The following CACNA1A variants were observed in gnomAD, a reference collection of about 807,000 sequenced individuals.
CACNA1A encodes calcium voltage-gated channel subunit alpha1 A.
CACNA1A carries 57 observed loss-of-function variants against 262.4 expected under a neutral mutation model. The ratio of observed to expected loss-of-function variants is 0.22; its 90% CI spans 0.18 to 0.27. The LOEUF is 0.27. Ranked by LOEUF, CACNA1A falls within the 10% of genes least tolerant of loss-of-function variation. The pLI, the probability that CACNA1A is intolerant of heterozygous loss-of-function variation, is 1.00. For missense variants in CACNA1A, 2,526 were observed against 3,562.8 expected, an observed-to-expected ratio of 0.71 and a Z score of 7.41; for synonymous variants, 1,431 against 1,419.3, an observed-to-expected ratio of 1.01 and a Z score of -0.18.
At chr19:13,490,327 A>G (rs1489790789) in intron 1 of CACNA1A, among the ~76,000 whole-genome samples, 1 of 152,182 alleles carries the variant, frequency 6.6e-6, no homozygotes, top group African/African-American at 2.4e-5. Flanking sequence ...GTCCTAGCCC[A>G]GGCGTGGTAG....
intron 3 of CACNA1A, among the ~76,000 whole-genome samples, chr19:13,433,502 A>AC (rs928030940): frequency 1.4e-5 from 2 of 147,620 alleles, no homozygotes; most frequent in Non-Finnish European, 3.0e-5. Context: ...AAGAAGATGG[A>AC]CCCCCAGGGA....
rs2057836972 is a variant in CACNA1A at position 13,303,609 on chromosome 19, G to A, written c.2109C>T (p.Thr703=). The A allele has an allele frequency of 6.2e-7, 1 of 1,611,574 alleles. No individual in the cohort carries two copies. Among genetic ancestry groups the A allele is most frequent in the Non-Finnish European group, 8.5e-7 (1 of 1,178,872 alleles). Residue 703 remains threonine, a synonymous_variant, in exon 17 of 47, where the codon ACC becomes ACT. Coordinates refer to ENST00000360228, the MANE Select transcript of CACNA1A (RefSeq NM_001127222.2). ...FIVLTLFGNY[T]LLNVFLAIAV... Reference sequence around the variant, plus strand: ...CGATGGCCAAGAACACATTCAGGAGGGTGTCTGCAAATGTCTGAGTCAGGA... The same window carrying A: ...CGATGGCCAAGAACACATTCAGGAGAGTGTCTGCAAATGTCTGAGTCAGGA...
intron 3 of CACNA1A, chr19:13,450,573 ATTT>A (rs1284897990): frequency 3.3e-5 from 5 of 151,854 alleles, no homozygotes; most frequent in Non-Finnish European, 7.4e-5. Flanking sequence ...AGGACAGGGG[ATTT>A]TTCTATTTTG....
At chr19:13,334,549 TTGTGTGTGTGTTTGTGTGTGTGTG>T in intron 7 of CACNA1A, 56 bp from the exon 8 acceptor site, 5 of 724,092 alleles carry the variant, frequency 6.9e-6, no homozygotes, top group East Asian at 2.7e-5. Flanking sequence ...TAGGAAACGT[TTGTGTGTGTGTTTGTGTGTGTGTG>T]TGTGTGTGTG....
chr19:13,299,057 C>T lies in CACNA1A; in HGVS notation c.2576G>A (p.Arg859Lys), dbSNP rs2057734480. Reference protein sequence around the residue: ...LGQQRAEDFLRKQARYHDRAR... With the variant: ...LGQQRAEDFLKKQARYHDRAR... ...CCGATCGTGGTAGCGGGCCTGTTTC[C>T]TGAGGAAGTCCTCGGCGCGCTGCTG... Residue 859 changes from arginine to lysine, a missense_variant, in exon 19 of 47, where the codon AGG becomes AAG. Arg to Lys is a conservative substitution (Grantham distance 26, BLOSUM62 2). Transcript: ENST00000360228. The T allele has an allele frequency of 3.7e-6, 6 of 1,605,412 alleles. No individual in the cohort carries two copies. The South Asian group carries it at 4.4e-5, about 12-fold the overall frequency.
intron 1 of CACNA1A, among the ~76,000 whole-genome samples, chr19:13,457,355 G>A (rs922640518): frequency 6.6e-6 from 1 of 152,152 alleles, no homozygotes; most frequent in Non-Finnish European, 1.5e-5. Context: ...GAGTTACCAT[G>A]TGACACACAG....
chr19:13,453,121 C>G, intron 2 of CACNA1A, 106 bp from the exon 3 acceptor site: 3 of 1,140,030 alleles, frequency 2.6e-6, no homozygotes, highest in East Asian at 2.4e-5. Flanking sequence ...TCTCACTTCC[C>G]CTGACCCTCC....
At chr19:13,223,254 C>A (rs576740760) in intron 38 of CACNA1A, among the ~76,000 whole-genome samples, 1 of 151,952 alleles carries the variant, frequency 6.6e-6, no homozygotes. Flanking sequence ...AGTGCAGTGG[C>A]GTGATCTCGG....
intron 19 of CACNA1A, among the ~76,000 whole-genome samples, chr19:13,294,926 C>T (rs1018941222): frequency 1.2e-4 from 19 of 152,192 alleles, no homozygotes; most frequent in African/African-American, 4.6e-4. Flanking sequence ...CCTTCAATTT[C>T]TTTGTCACTT....
chr19:13,407,859 A>T (rs947397346), intron 3 of CACNA1A, among the ~76,000 whole-genome samples: 1 of 151,966 alleles, frequency 6.6e-6, no homozygotes, highest in Non-Finnish European at 1.5e-5. Flanking sequence ...GTAATCCCCA[A>T]TGTTGGGGGA....
At chr19:13,216,120 G>C (rs1412639158) in intron 38 of CACNA1A, among the ~76,000 whole-genome samples, 1 of 151,818 alleles carries the variant, frequency 6.6e-6, no homozygotes, top group Admixed American at 6.6e-5. Context: ...AGTCTCCACT[G>C]CCACGGACAT....
intron 5 of CACNA1A, among the ~76,000 whole-genome samples, chr19:13,360,528 A>G (rs1599280190): frequency 2.2e-5 from 3 of 133,992 alleles, no homozygotes; most frequent in East Asian, 2.1e-4. Context: ...CCCAGGCTGG[A>G]GTGCAATGGC....
intron 4 of CACNA1A, chr19:13,371,462 C>G (rs889722615): frequency 3.7e-6 from 2 of 541,484 alleles, no homozygotes; most frequent in African/African-American, 1.9e-5. Flanking sequence ...TCCCGATAGA[C>G]AGTAGGTGCT....
chr19:13,395,437 C>T (rs1016699880), intron 3 of CACNA1A, among the ~76,000 whole-genome samples: 1 of 149,116 alleles, frequency 6.7e-6, no homozygotes, highest in African/African-American at 2.5e-5. Flanking sequence ...ATGGTGAAAC[C>T]CTGTCTCTAC....
chr19:13,222,394 C>CTTTT (rs71168689), intron 38 of CACNA1A, among the ~76,000 whole-genome samples: 9 of 91,172 alleles, frequency 9.9e-5, no homozygotes, highest in Admixed American at 3.8e-4. Flanking sequence ...GCCTTCTCGG[C>CTTTT]TTTTTTTTTT....
intron 3 of CACNA1A, among the ~76,000 whole-genome samples, chr19:13,437,532 A>G (rs1012006513): frequency 6.6e-6 from 1 of 151,900 alleles, no homozygotes; most frequent in African/African-American, 2.4e-5. Flanking sequence ...CTCTACTAAA[A>G]ATACAAAAAT....
At chr19:13,469,615 A>T (rs1338845933) in intron 1 of CACNA1A, among the ~76,000 whole-genome samples, 45 of 133,802 alleles carry the variant, frequency 3.4e-4, no homozygotes, top group South Asian at 7.3e-4. Flanking sequence ...CGCCTGGCTA[A>T]TTTTTTTTTT....
At chr19:13,476,559 AG>A (rs1262773586) in intron 1 of CACNA1A, among the ~76,000 whole-genome samples, 1 of 152,158 alleles carries the variant, frequency 6.6e-6, no homozygotes, top group African/African-American at 2.4e-5. Flanking sequence ...GGGGGAAGGG[AG>A]AAACTGGAAG....
chr19:13,392,505 G>T (rs2059727615), intron 3 of CACNA1A, among the ~76,000 whole-genome samples: 1 of 152,188 alleles, frequency 6.6e-6, no homozygotes, highest in Non-Finnish European at 1.5e-5. Context: ...AGCTCTTGAG[G>T]AAATGAACAA....
Sources: gnomAD v4.1 joint callset for allele counts (sites outside exome capture counted in the v4.1 genomes callset) on GRCh38, gnomAD v4.1.1 for gene constraint, MANE v1.5 for transcripts, NCBI Gene and HGNC (gene_info 2026-07-23, HGNC 2026-07-21) for gene names.